The following GRK5 variants were observed in gnomAD, a reference collection of about 807,000 sequenced individuals.
GRK5 encodes g protein-coupled receptor kinase GRK5.
GRK5 carries 40 observed loss-of-function variants against 78.4 expected under a neutral mutation model. The ratio of observed to expected loss-of-function variants is 0.51; its 90% CI spans 0.40 to 0.66. The LOEUF is 0.66. Among genes scored for constraint, GRK5 ranks in the 30% least tolerant of loss-of-function variants. The probability of loss-of-function intolerance (pLI) is 0.00; values close to 1 mark genes in which losing one functional copy is unlikely to be tolerated. For missense variants in GRK5, 598 were observed against 759.9 expected, an observed-to-expected ratio of 0.79 and a Z score of 2.50; for synonymous variants, 289 against 296.8, an observed-to-expected ratio of 0.97 and a Z score of 0.27.
intron 2 of GRK5, among the ~76,000 whole-genome samples, chr10:119,375,207 C>T (rs550412482): frequency 6.6e-6 from 1 of 152,306 alleles, no homozygotes; most frequent in South Asian, 2.1e-4. Flanking sequence ...TCCTAATTCA[C>T]CTTCTCCCAC....
In GRK5 at chr10:119,267,788, A is replaced by G. The variant is rs1849524981; in HGVS notation, c.53-58728A>G. Among the ~76,000 whole-genome samples the G allele has an allele frequency of 6.6e-6, 1 of 152,078 alleles. No homozygotes were observed. The highest frequency in any genetic ancestry group is 1.5e-5 in the Non-Finnish European group (1 of 68,000). ...TCATGCTGGCTCAGCCACACAAACA[A>G]TGACATGGAACAGGGAGGCGCTCCC... On this transcript the variant is annotated intron_variant, in intron 1 of 15. Coordinates refer to ENST00000392870, the MANE Select transcript of GRK5 (RefSeq NM_005308.3). This position sits in a 1 kb window ranked among gnomAD's most constrained non-coding sequence, Gnocchi z 4.1.
intron 4 of GRK5, among the ~76,000 whole-genome samples, chr10:119,405,619 CG>C (rs1852225154): frequency 6.6e-6 from 1 of 151,224 alleles, no homozygotes; most frequent in South Asian, 2.1e-4. Flanking sequence ...GGCTGGGCCA[CG>C]GCTCCTCGGC....
chr10:119,266,320 T>C (rs929176201), intron 1 of GRK5, among the ~76,000 whole-genome samples: 1 of 152,058 alleles, frequency 6.6e-6, no homozygotes, highest in African/African-American at 2.4e-5. Flanking sequence ...CCAGGCATGA[T>C]GGTGCTCATG....
intron 8 of GRK5, 134 bp from the exon 9 acceptor site, chr10:119,436,517 G>A: frequency 3.6e-6 from 3 of 828,824 alleles, no homozygotes; most frequent in Non-Finnish European, 5.8e-6. Context: ...CACCGCAGAG[G>A]CCATCTGGGT....
chr10:119,232,243 T>C (rs548703449), intron 1 of GRK5, among the ~76,000 whole-genome samples: 2 of 152,326 alleles, frequency 1.3e-5, no homozygotes, highest in African/African-American at 4.8e-5. Flanking sequence ...AGTTAAATGC[T>C]ATGTGTTCTC....
intron 1 of GRK5, among the ~76,000 whole-genome samples, chr10:119,315,436 G>T (rs80241856): frequency 6.6e-6 from 1 of 152,222 alleles, no homozygotes; most frequent in Non-Finnish European, 1.5e-5. Context: ...GGGTGGCAAA[G>T]GTGGCAGAGC....
rs140981097 is a variant in GRK5, at chr10:119,228,384, C to T, written c.52+20415C>T. Among the ~76,000 whole-genome samples the T allele has an allele frequency of 4.1e-3, 619 of 149,952 alleles. 3 individuals are homozygous for T. The highest frequency in any genetic ancestry group is 7.1e-3 in the Non-Finnish European group (482 of 67,492). On this transcript the variant is annotated intron_variant, in intron 1 of 15. Coordinates refer to ENST00000392870, the MANE Select transcript of GRK5 (RefSeq NM_005308.3). Reference sequence around the variant, plus strand: ...AAAACAAAAAACCAACCCGCCCCCCCGCAAAAACGTTATGGAGATCTAGTT... The same window carrying T: ...AAAACAAAAAACCAACCCGCCCCCCTGCAAAAACGTTATGGAGATCTAGTT...
chr10:119,454,755 G>T (rs189119209), intron 15 of GRK5, among the ~76,000 whole-genome samples: 48 of 152,310 alleles, frequency 3.2e-4, no homozygotes, highest in Non-Finnish European at 6.2e-4. Flanking sequence ...AGGAGGGGCC[G>T]CCTCCACCCT....
chr10:119,302,552 G>A (rs1850201935), intron 1 of GRK5, among the ~76,000 whole-genome samples: 1 of 152,184 alleles, frequency 6.6e-6, no homozygotes, highest in African/African-American at 2.4e-5. Flanking sequence ...CCTCTGGAGA[G>A]TGGCGATTCC....
chr10:119,393,972 GGTGTGTGTGGGTAT>G (rs1338357484), intron 3 of GRK5, among the ~76,000 whole-genome samples: 3 of 144,644 alleles, frequency 2.1e-5, no homozygotes, highest in South Asian at 4.5e-4. Flanking sequence ...TCTGTGTGTA[GGTGTGTGTGGGTAT>G]GTGTGTGTGT....
chr10:119,219,698 T>G (rs966079021), intron 1 of GRK5, among the ~76,000 whole-genome samples: 2 of 152,248 alleles, frequency 1.3e-5, no homozygotes, highest in African/African-American at 4.8e-5. Flanking sequence ...TGAAAAATGT[T>G]TGGCAAACTC....
chr10:119,232,513 C>T (rs1282134029), intron 1 of GRK5, among the ~76,000 whole-genome samples: 2 of 152,160 alleles, frequency 1.3e-5, no homozygotes, highest in Non-Finnish European at 2.9e-5. Context: ...TGTGTTCCCA[C>T]CCACATCTCA....
chr10:119,401,124 C>G (rs546017665), intron 4 of GRK5, among the ~76,000 whole-genome samples: 18 of 152,250 alleles, frequency 1.2e-4, no homozygotes, highest in African/African-American at 3.9e-4. Flanking sequence ...CCTCCATGGG[C>G]CCGTCAGCTC....
intron 6 of GRK5, among the ~76,000 whole-genome samples, chr10:119,427,064 GCCATCATCA>G (rs1293489665): frequency 1.4e-5 from 2 of 146,160 alleles, no homozygotes; most frequent in Non-Finnish European, 3.0e-5. Flanking sequence ...CAATATCACT[GCCATCATCA>G]CCATCATCAG....
intron 1 of GRK5, among the ~76,000 whole-genome samples, chr10:119,290,334 G>A (rs1327119422): frequency 2.9e-4 from 33 of 115,092 alleles, no homozygotes; most frequent in African/African-American, 1.1e-3. Context: ...GTGACAGAGC[G>A]AGATTCCGTC....
chr10:119,367,872 G>A lies in GRK5; in HGVS notation c.149-12943G>A, dbSNP rs376761248. 3.3e-5 allele frequency among the ~76,000 whole-genome samples: 5 copies of A among 152,322 alleles called. No homozygotes were observed. The South Asian group carries it at 8.3e-4, about 25-fold the overall frequency. On this transcript the variant is annotated intron_variant, in intron 2 of 15. Coordinates refer to ENST00000392870, the MANE Select transcript of GRK5 (RefSeq NM_005308.3). ...AGACCATCAGTTGCCTCCACCTTCC[G>A]AGGCATTCATTTCTCCAGCTGCTTT...
At chr10:119,421,663 T>C (rs116845485) in intron 4 of GRK5, among the ~76,000 whole-genome samples, 2,369 of 152,256 alleles carry the variant, frequency 0.016, 39 homozygotes, top group Middle Eastern at 0.027. Context: ...AGACTGCTGT[T>C]TGGTGGGAAT....
At chr10:119,358,487 G>A (rs1376677522) in intron 2 of GRK5, among the ~76,000 whole-genome samples, 8 of 152,246 alleles carry the variant, frequency 5.3e-5, no homozygotes, top group Non-Finnish European at 1.2e-4. Flanking sequence ...TCCTGGTCCT[G>A]GTCCCCTTGC....
intron 1 of GRK5, among the ~76,000 whole-genome samples, chr10:119,278,984 TCTCCCAC>T (rs1346109083): frequency 6.6e-6 from 1 of 152,172 alleles, no homozygotes; most frequent in African/African-American, 2.4e-5. Flanking sequence ...TTCAAGCAAT[TCTCCCAC>T]CTCTGTCTCC....
Sources: gnomAD v4.1 joint callset for allele counts (sites outside exome capture counted in the v4.1 genomes callset) on GRCh38, gnomAD v4.1.1 for gene constraint, Gnocchi (gnomAD v3.1) non-coding constraint, MANE v1.5 for transcripts, NCBI Gene and HGNC (gene_info 2026-07-23, HGNC 2026-07-21) for gene names.